Variants in NAPEPLD observed in about 807,000 individuals in gnomAD.
NAPEPLD encodes N-acyl phosphatidylethanolamine phospholipase D.
NAPEPLD carries 23 observed loss-of-function variants against 38.1 expected under a neutral mutation model. The observed-to-expected ratio is 0.60, with a 90% CI of 0.43 to 0.86. The LOEUF is 0.86. NAPEPLD is among the 40% of genes least tolerant of loss of function. The probability of loss-of-function intolerance (pLI) is 0.00; values close to 1 mark genes in which losing one functional copy is unlikely to be tolerated. For synonymous variants in NAPEPLD, 147 were observed against 162.0 expected (o/e 0.91, Z 0.71); for missense variants, 411 against 476.8 (o/e 0.86, Z 1.28).
intron 1 of NAPEPLD, among the ~76,000 whole-genome samples, chr7:103,130,510 G>A (rs924686933): frequency 6.6e-6 from 1 of 152,136 alleles, no homozygotes; most frequent in African/African-American, 2.4e-5. Context: ...GGATCAAATG[G>A]CACAGGTACA....
At chr7:103,133,031 C>T (rs965740552) in intron 1 of NAPEPLD, among the ~76,000 whole-genome samples, 2 of 152,188 alleles carry the variant, frequency 1.3e-5, no homozygotes, top group South Asian at 2.1e-4. Context: ...TTCAGAAATG[C>T]TCTTTAAAAA....
chr7:103,104,273 T>G (rs1585814637), intron 4 of NAPEPLD, among the ~76,000 whole-genome samples: 1 of 152,274 alleles, frequency 6.6e-6, no homozygotes, highest in African/African-American at 2.4e-5. Flanking sequence ...TAAATGTGGA[T>G]TATAGAAGAA....
chr7:103,131,690 G>A (rs1315290108), intron 1 of NAPEPLD, among the ~76,000 whole-genome samples: 1 of 151,820 alleles, frequency 6.6e-6, no homozygotes, highest in African/African-American at 2.4e-5. Flanking sequence ...AGGAAGGTTT[G>A]TGAAAGTCGA....
Position 103,101,177 on chromosome 7 carries a change from T to G in NAPEPLD, c.*2252A>C, listed in dbSNP as rs1006024123. ...CTGGCTAGTATTAGGGCAACACACC[T>G]CAAAGCTAACTCACCATAAACCTAA... On this transcript the variant is annotated 3_prime_UTR_variant, in exon 5 of 5. Coordinates refer to ENST00000465647, the MANE Select transcript of NAPEPLD (RefSeq NM_001122838.3). 3.9e-5 allele frequency: 6 copies of G among 152,146 alleles called. No homozygotes were observed. Among genetic ancestry groups the G allele is most frequent in the African/African-American group, 1.2e-4 (5 of 41,422 alleles). 9.4% of individuals were successfully genotyped at this position (152,146 alleles called of 1,614,324 possible).
chr7:103,136,238 G>C (rs1457188061), intron 1 of NAPEPLD, among the ~76,000 whole-genome samples: 2 of 151,718 alleles, frequency 1.3e-5, no homozygotes, highest in African/African-American at 4.8e-5. Context: ...CCGCACTCCA[G>C]CCTGGGTGAC....
intron 2 of NAPEPLD, 85 bp from the exon 3 acceptor site, chr7:103,120,308 T>C (rs944145638): frequency 2.6e-5 from 38 of 1,435,608 alleles, no homozygotes; most frequent in Non-Finnish European, 2.1e-5. Flanking sequence ...ACCTAAATAA[T>C]GGCAAGAAGA....
At chr7:103,147,594 C>T in intron 1 of NAPEPLD, among the ~76,000 whole-genome samples, 1 of 152,178 alleles carries the variant, frequency 6.6e-6, no homozygotes, top group East Asian at 1.9e-4. Flanking sequence ...CTCAAAGTAA[C>T]ATAATACCCC....
At chr7:103,110,404 T>C (rs929550176) in intron 4 of NAPEPLD, among the ~76,000 whole-genome samples, 5 of 152,288 alleles carry the variant, frequency 3.3e-5, no homozygotes, top group African/African-American at 9.6e-5. Flanking sequence ...GTCAGCTTCA[T>C]ACCTGGGATG....
intron 1 of NAPEPLD, chr7:103,141,632 T>C (rs796301692): frequency 1.1e-6 from 1 of 896,012 alleles, no homozygotes; most frequent in Non-Finnish European, 1.9e-6. Flanking sequence ...GAGCAGCCGG[T>C]GCAGAATCCT....
At chr7:103,121,195 T>C (rs1200265156) in intron 2 of NAPEPLD, among the ~76,000 whole-genome samples, 1 of 152,178 alleles carries the variant, frequency 6.6e-6, no homozygotes, top group South Asian at 2.1e-4. Flanking sequence ...GGGCCGTAAA[T>C]GGATATAAAA....
chr7:103,144,225 G>T (rs1333170418), intron 1 of NAPEPLD, among the ~76,000 whole-genome samples: 1 of 152,156 alleles, frequency 6.6e-6, no homozygotes, highest in Non-Finnish European at 1.5e-5. Context: ...TAGATACCTA[G>T]GTTCTAAAGT....
At chr7:103,124,357 C>G (rs532233474) in intron 2 of NAPEPLD, among the ~76,000 whole-genome samples, 3 of 152,066 alleles carry the variant, frequency 2.0e-5, no homozygotes, top group African/African-American at 4.8e-5. Context: ...ACTCGGGAGG[C>G]TGAGGCAGGA....
At chr7:103,106,994 C>CAGG (rs1313248735) in intron 4 of NAPEPLD, among the ~76,000 whole-genome samples, 2 of 152,182 alleles carry the variant, frequency 1.3e-5, no homozygotes, top group African/African-American at 2.4e-5. Context: ...ACATCTCATA[C>CAGG]AGGAGACCTC....
At chr7:103,144,414 A>G (rs1420237449) in intron 1 of NAPEPLD, among the ~76,000 whole-genome samples, 1 of 152,222 alleles carries the variant, frequency 6.6e-6, no homozygotes, top group East Asian at 1.9e-4. Context: ...TTACATGAAG[A>G]AGGTTTCAAA....
At position 103,145,507 on chromosome 7, in the gene NAPEPLD, C is replaced by G. The variant is rs533597490; in HGVS notation, c.-17+3304G>C. The stretch of plus-strand genomic sequence containing the variant: ...CATATCTGTGAAATGGTGGAAAAGC[C>G]TAATTTCAATGTTTCAATTTTGAGG... On this transcript the variant is annotated intron_variant, in intron 1 of 4. Coordinates refer to ENST00000465647, the MANE Select transcript of NAPEPLD (RefSeq NM_001122838.3). Among the ~76,000 whole-genome samples, 3 of 152,312 alleles carry G rather than the reference C, an allele frequency of 2.0e-5. No homozygotes were observed. In the East Asian group the frequency reaches 5.8e-4, roughly 29 times the overall value.
chr7:103,142,824 G>A (rs1441942917), intron 1 of NAPEPLD, among the ~76,000 whole-genome samples: 1 of 152,140 alleles, frequency 6.6e-6, no homozygotes. Flanking sequence ...ACAGTTAATT[G>A]TTTTTTAAAA....
chr7:103,147,775 G>A (rs1416064256), intron 1 of NAPEPLD, among the ~76,000 whole-genome samples: 1 of 152,140 alleles, frequency 6.6e-6, no homozygotes, highest in Non-Finnish European at 1.5e-5. Context: ...GTGAAAATAA[G>A]GGTATGAGAA....
At chr7:103,144,745 C>T (rs1812191526) in intron 1 of NAPEPLD, among the ~76,000 whole-genome samples, 1 of 151,792 alleles carries the variant, frequency 6.6e-6, no homozygotes, top group Non-Finnish European at 1.5e-5. Context: ...TGGTGGCTCA[C>T]ACCTGTAATC....
At chr7:103,137,832 A>AAG (rs1484552450) in intron 1 of NAPEPLD, among the ~76,000 whole-genome samples, 6 of 143,642 alleles carry the variant, frequency 4.2e-5, no homozygotes, top group Admixed American at 3.5e-4. Context: ...AAAAAAAAAA[A>AAG]AAAAGAAAAA....
Sources: allele counts gnomAD v4.1 joint callset (sites outside exome capture counted in the v4.1 genomes callset), GRCh38; gene constraint gnomAD v4.1.1; transcripts MANE v1.5; gene names NCBI Gene and HGNC (gene_info 2026-07-23, HGNC 2026-07-21).